The following TADA1 variants were observed in gnomAD, a reference collection of about 807,000 sequenced individuals.
TADA1 encodes the protein transcriptional adapter 1.
A neutral mutation model predicts 39.3 loss-of-function variants in TADA1; 23 were observed. The observed-to-expected ratio is 0.58, with a 90% CI of 0.42 to 0.83. The LOEUF is 0.83. TADA1 is among the 40% of genes least tolerant of loss of function. TADA1 has a pLI of 0.00. For missense variants in TADA1, 352 were observed against 408.1 expected, an observed-to-expected ratio of 0.86 and a Z score of 1.18; for synonymous variants, 137 against 151.8, an observed-to-expected ratio of 0.90 and a Z score of 0.72.
At chr1:166,858,305 A>C in intron 6 of TADA1, 24 bp from the exon 7 acceptor site, 1 of 1,519,770 alleles carries the variant, frequency 6.6e-7, no homozygotes, top group Non-Finnish European at 8.8e-7. Context: ...TTTCAGAAAT[A>C]GTCCCAGCAC....
In TADA1 at chr1:166,869,965, G is replaced by T. The variant is rs1658622184; in HGVS notation, c.75-111C>A. On this transcript the variant is annotated intron_variant, in intron 1 of 7. Transcript: ENST00000367874. Reference sequence around the variant, plus strand: ...GTTTTTTATTCTGTCACTCAGGCTGGAGTGCAGGGGAACAATCAGAGCTCT... The same window carrying T: ...GTTTTTTATTCTGTCACTCAGGCTGTAGTGCAGGGGAACAATCAGAGCTCT... 4 of 814,604 alleles carry T rather than the reference G, an allele frequency of 4.9e-6. No homozygotes were observed. The South Asian group carries it at 6.5e-5, about 13-fold the overall frequency. The allele number at this position is 814,604 out of a possible 1,614,324, so 50.5% of individuals were successfully genotyped here. A position where few individuals can be genotyped will look rare whatever the true frequency, so the allele number is the denominator to read the frequency against.
intron 5 of TADA1, among the ~76,000 whole-genome samples, chr1:166,860,594 T>A (rs1176720108): frequency 6.6e-6 from 1 of 152,230 alleles, no homozygotes; most frequent in East Asian, 1.9e-4. Flanking sequence ...TACATGAAAT[T>A]TGAAAAGTCT....
rs905027057 is a variant in TADA1 at position 166,860,217 on chromosome 1, T to C, written c.661A>G (p.Ser221Gly). ...NVTPQPYLKN[S>G]VVAYNNLIES... ...ATTAAGTTGTTGTAAGCTACTACAC[T>C]ATTCTTCAGGTATGGCTGCGGGGTC... is the stretch of plus-strand genomic sequence containing the variant. Residue 221 changes from serine (S) to glycine (G), a missense_variant, in exon 6 of 8, where the codon AGT (serine) becomes GGT (glycine). Around this residue, in one of 3 missense-constraint regions of TADA1, gnomAD observed 285 missense variants for 310.9 expected, o/e 0.92. Coordinates refer to ENST00000367874, the MANE Select transcript of TADA1 (RefSeq NM_053053.4). 5.0e-6 allele frequency: 8 copies of C among 1,612,670 alleles called. No homozygotes were observed. In the Admixed American group the frequency reaches 1.0e-4, roughly 20 times the overall value.
At chr1:166,871,751 G>A (rs566217096) in intron 1 of TADA1, among the ~76,000 whole-genome samples, 8 of 151,860 alleles carry the variant, frequency 5.3e-5, no homozygotes, top group Admixed American at 2.0e-4. Context: ...TTTTTTAAAG[G>A]ACAGGAATAA....
intron 1 of TADA1, 37 bp downstream of exon 1, chr1:166,876,123 C>T (rs1658763617): frequency 1.9e-6 from 3 of 1,586,128 alleles, no homozygotes; most frequent in Non-Finnish European, 2.6e-6. Context: ...AGAGCACCCG[C>T]GTGTTGGCCT....
At position 166,869,749 on chromosome 1, in the gene TADA1, G is replaced by A. The variant is rs1658616715; in HGVS notation, c.166+14C>T. Reference sequence around the variant, plus strand: ...TACAGAATAGTAAAATAACTCTGCAGATAATTATTTTACCATTATCCTGTG... The same window carrying A: ...TACAGAATAGTAAAATAACTCTGCAAATAATTATTTTACCATTATCCTGTG... On this transcript the variant is annotated intron_variant, in intron 2 of 7. Coordinates refer to ENST00000367874, the MANE Select transcript of TADA1 (RefSeq NM_053053.4). The A allele has an allele frequency of 1.3e-6, 2 of 1,589,762 alleles. No individual in the cohort carries two copies. The highest frequency in any genetic ancestry group is 1.3e-5 in the African/African-American group (1 of 74,296).
At chr1:166,859,673 CA>C (rs1658364168) in intron 6 of TADA1, among the ~76,000 whole-genome samples, 1 of 152,140 alleles carries the variant, frequency 6.6e-6, no homozygotes, top group Non-Finnish European at 1.5e-5. Flanking sequence ...ACCATGTCTG[CA>C]CAGCAGGAGG....
At chr1:166,869,260 TAAAGAGTTTCTGCTTTAAAAAAAAAA>T in intron 3 of TADA1, 159 bp downstream of exon 3, 1 of 535,112 alleles carries the variant, frequency 1.9e-6, no homozygotes, top group Non-Finnish European at 3.4e-6. Flanking sequence ...TTCTTAAAAA[TAAAGAGTTTCTGCTTTAAAAAAAAAA>T]AAAGATTCTG....
At position 166,858,228 on chromosome 1, in the gene TADA1, G is replaced by A; in HGVS notation, c.746C>T (p.Pro249Leu). ...AGCCTGCTGCTCAGCATCATCAGGG[G>A]GTGGGTGAGAAGCTGGATTCTGACC... ...CAGQNPASHP[P>L]PDDAEQQAAL... The change falls in exon 7 of 8, where the codon CCC (proline) becomes CTC (leucine). Residue 249 changes from proline to leucine, a missense_variant. Around this residue, in one of 3 missense-constraint regions of TADA1, gnomAD observed 285 missense variants for 310.9 expected, o/e 0.92. Transcript: ENST00000367874. 6.2e-7 allele frequency: 1 copy of A among 1,610,634 alleles called. No individual in the cohort carries two copies. The highest frequency in any genetic ancestry group is 8.5e-7 in the Non-Finnish European group (1 of 1,178,820).
intron 7 of TADA1, 45 bp from the exon 8 acceptor site, chr1:166,857,764 C>T (rs187403379): frequency 6.3e-7 from 1 of 1,588,980 alleles, no homozygotes; most frequent in Non-Finnish European, 8.6e-7. Flanking sequence ...CTTGAGTAGA[C>T]TTATTTTTCT....
intron 4 of TADA1, chr1:166,863,058 G>A (rs1203735251): frequency 2.0e-5 from 3 of 152,542 alleles, no homozygotes; most frequent in Admixed American, 6.5e-5. Flanking sequence ...AGTACCTTTT[G>A]CTTAAGGCTA....
intron 1 of TADA1, 116 bp from the exon 2 acceptor site, chr1:166,869,970 C>T (rs964095842): frequency 1.3e-6 from 1 of 795,192 alleles, no homozygotes; most frequent in Non-Finnish European, 2.1e-6. Flanking sequence ...GGCTGGAGTG[C>T]AGGGGAACAA....
intron 4 of TADA1, 148 bp downstream of exon 4, chr1:166,863,676 A>C: frequency 1.4e-6 from 1 of 715,988 alleles, no homozygotes; most frequent in Non-Finnish European, 2.4e-6. Context: ...TAGAACTCAC[A>C]ATCCTTGAAA....
chr1:166,862,435 A>T (rs1177977961), intron 4 of TADA1, 23 bp from the exon 5 acceptor site: 1 of 1,591,696 alleles, frequency 6.3e-7, no homozygotes, highest in Non-Finnish European at 8.6e-7. Flanking sequence ...AAAACTTTTT[A>T]AAATTACTCA....
chr1:166,864,037 A>T (rs1349401613), intron 3 of TADA1, 116 bp from the exon 4 acceptor site: 7 of 721,712 alleles, frequency 9.7e-6, no homozygotes. Context: ...ATAACTAATG[A>T]ATGCTTAAAT....
At position 166,857,738 on chromosome 1, in the gene TADA1, C is replaced by A. The variant is rs747483429; in HGVS notation, c.856-19G>T. On this transcript the variant is annotated intron_variant, in intron 7 of 7. Coordinates refer to ENST00000367874, the MANE Select transcript of TADA1 (RefSeq NM_053053.4). ...TGTGCACCTGGGATTAAAAAATTAA[C>A]GCATGTCCAATTATACTTGAGTAGA... 7 of 1,607,086 alleles carry A rather than the reference C, an allele frequency of 4.4e-6. No individual in the cohort carries two copies. In the African/African-American group the frequency reaches 8.0e-5, roughly 18 times the overall value.
In TADA1 at chr1:166,865,441, A is replaced by AT. The variant is rs552197076; in HGVS notation, c.233-1521dup. ...TCATAAAACCTTCTGTGCTACTGAT[A>AT]TTTTTTTAACCATGAACATATATTG... On this transcript the variant is annotated intron_variant, in intron 3 of 7. Coordinates refer to ENST00000367874, the MANE Select transcript of TADA1 (RefSeq NM_053053.4). 4.5e-3 allele frequency among the ~76,000 whole-genome samples: 690 copies of AT among 151,864 alleles called. 1 individual carries two copies. The highest frequency in any genetic ancestry group is 6.6e-3 in the Non-Finnish European group (450 of 67,972).
intron 6 of TADA1, 77 bp from the exon 7 acceptor site, chr1:166,858,358 C>G: frequency 1.7e-6 from 2 of 1,155,750 alleles, no homozygotes; most frequent in Non-Finnish European, 2.4e-6. Context: ...CTGCTAGAAT[C>G]TTATTTAAAA....
At chr1:166,862,577 C>A in intron 4 of TADA1, 165 bp from the exon 5 acceptor site, 1 of 617,254 alleles carries the variant, frequency 1.6e-6, no homozygotes, top group Non-Finnish European at 2.9e-6. Context: ...ATCACAGATT[C>A]ACATCCAATA....
Sources: allele counts gnomAD v4.1 joint callset (sites outside exome capture counted in the v4.1 genomes callset), GRCh38; gene constraint gnomAD v4.1.1; regional missense constraint gnomAD v4.1.1; transcripts MANE v1.5; gene names NCBI Gene and HGNC (gene_info 2026-07-23, HGNC 2026-07-21).